APLF: variants seen among roughly 807,000 people sequenced by gnomAD.
APLF encodes aprataxin and PNK-like factor.
Under a neutral mutation model 55.6 loss-of-function variants are expected in APLF, and 61 were observed. The ratio of observed to expected loss-of-function variants is 1.10; its 90% CI spans 0.89 to 1.36. The LOEUF is 1.36. APLF is among the 40% of genes most tolerant of loss of function. The probability of loss-of-function intolerance (pLI) is 0.00; values close to 1 mark genes in which losing one functional copy is unlikely to be tolerated. For synonymous variants in APLF, 207 were observed against 214.8 expected (o/e 0.96, Z 0.32); for missense variants, 611 against 602.5 (o/e 1.01, Z -0.15).
intron 7 of APLF, among the ~76,000 whole-genome samples, chr2:68,544,795 G>GT (rs796832914): frequency 6.6e-6 from 1 of 152,022 alleles, no homozygotes; most frequent in East Asian, 1.9e-4. Context: ...GAAACGTTCT[G>GT]TTTTTTATCT....
chr2:68,523,286 T>C (rs1669943505), intron 5 of APLF, among the ~76,000 whole-genome samples: 1 of 152,036 alleles, frequency 6.6e-6, no homozygotes, highest in South Asian at 2.1e-4. Context: ...TATCAACATT[T>C]AAGCAATTGA....
intron 6 of APLF, among the ~76,000 whole-genome samples, chr2:68,532,909 T>C (rs1337631543): frequency 1.3e-5 from 2 of 152,174 alleles, no homozygotes; most frequent in Non-Finnish European, 2.9e-5. Context: ...TCTGTGCTCA[T>C]GAATGGATAA....
intron 3 of APLF, among the ~76,000 whole-genome samples, chr2:68,504,765 C>G (rs1676826021): frequency 6.6e-6 from 1 of 151,848 alleles, no homozygotes; most frequent in Non-Finnish European, 1.5e-5. Context: ...TTAGAAAATC[C>G]TTAGTAATCT....
At chr2:68,515,397 C>T (rs1669552000) in intron 5 of APLF, among the ~76,000 whole-genome samples, 1 of 151,638 alleles carries the variant, frequency 6.6e-6, no homozygotes, top group Admixed American at 6.6e-5. Context: ...CACTTTCCCT[C>T]AGTAGAATAA....
intron 1 of APLF, among the ~76,000 whole-genome samples, chr2:68,484,357 A>G (rs1676060963): frequency 6.6e-6 from 1 of 152,150 alleles, no homozygotes; most frequent in South Asian, 2.1e-4. Context: ...TGGTATAAGA[A>G]TAGAGAGACC....
intron 3 of APLF, among the ~76,000 whole-genome samples, chr2:68,511,120 A>G (rs1354714604): frequency 6.6e-6 from 1 of 151,798 alleles, no homozygotes; most frequent in African/African-American, 2.4e-5. Flanking sequence ...CTCTGTTAAC[A>G]TACTAATAAC....
intron 5 of APLF, among the ~76,000 whole-genome samples, chr2:68,519,000 T>C (rs1346266037): frequency 4.1e-5 from 5 of 121,040 alleles, no homozygotes; most frequent in African/African-American, 1.7e-4. Flanking sequence ...TCTGATAATA[T>C]ATTATTAATA....
intron 3 of APLF, among the ~76,000 whole-genome samples, chr2:68,507,777 A>T (rs1676909151): frequency 6.6e-6 from 1 of 151,936 alleles, no homozygotes; most frequent in South Asian, 2.1e-4. Context: ...TCATAGCTGA[A>T]TTTCATTGCT....
intron 6 of APLF, among the ~76,000 whole-genome samples, chr2:68,526,687 C>G (rs999001081): frequency 6.6e-6 from 1 of 152,206 alleles, no homozygotes. Context: ...CCATCCTGCT[C>G]TCAACTACAA....
intron 8 of APLF, 144 bp from the exon 9 acceptor site, chr2:68,567,197 A>G: frequency 1.6e-6 from 1 of 641,678 alleles, no homozygotes; most frequent in Admixed American, 3.4e-5. Flanking sequence ...GAAATATTGT[A>G]ATTAAACAAC....
At chr2:68,576,330 T>G (rs1671620509) in intron 9 of APLF, among the ~76,000 whole-genome samples, 1 of 152,138 alleles carries the variant, frequency 6.6e-6, no homozygotes, top group Non-Finnish European at 1.5e-5. Context: ...TTTAAAAATA[T>G]GGGTAACTGA....
At chr2:68,468,430 A>G (rs954876783) in intron 1 of APLF, among the ~76,000 whole-genome samples, 1 of 152,064 alleles carries the variant, frequency 6.6e-6, no homozygotes, top group Non-Finnish European at 1.5e-5. Context: ...TCATTGGTCT[A>G]AGGAGACATT....
intron 2 of APLF, among the ~76,000 whole-genome samples, chr2:68,495,668 C>T (rs1676523013): frequency 6.6e-6 from 1 of 152,254 alleles, no homozygotes; most frequent in East Asian, 1.9e-4. Flanking sequence ...TTATTCTCTG[C>T]ACTGCCCTAG....
chr2:68,539,872 A>G (rs968249263), intron 7 of APLF, among the ~76,000 whole-genome samples: 4 of 152,158 alleles, frequency 2.6e-5, no homozygotes, highest in Non-Finnish European at 4.4e-5. Context: ...CTCCTATTCA[A>G]CATTGCAGTA....
In APLF at chr2:68,513,624, G is replaced by A; in HGVS notation, c.566G>A (p.Trp189Ter). The part of the protein sequence containing the change: ...LAERKRILPT[W>*]MLAEHLSDQN... ...GAGAGGAAAAGAATCCTTCCAACTT[G>A]GATGTTAGCAGAACATTTAAGTGAT... is the stretch of plus-strand genomic sequence containing the variant. Residue 189 changes from tryptophan to a stop codon, truncating the protein, a stop_gained, in exon 5 of 10, where the codon TGG (tryptophan) becomes TAG (stop). Transcript: ENST00000303795. LOFTEE classifies it high-confidence loss of function. 6.2e-7 allele frequency: 1 copy of A among 1,611,460 alleles called. No homozygotes were observed. The highest frequency in any genetic ancestry group is 1.1e-5 in the South Asian group (1 of 90,974).
intron 1 of APLF, among the ~76,000 whole-genome samples, chr2:68,470,443 T>C (rs1002237749): frequency 6.6e-6 from 1 of 152,178 alleles, no homozygotes; most frequent in Non-Finnish European, 1.5e-5. Flanking sequence ...TGTACTATAG[T>C]TTTGTAAGAC....
chr2:68,482,948 C>T (rs1676010011), intron 1 of APLF, among the ~76,000 whole-genome samples: 1 of 151,458 alleles, frequency 6.6e-6, no homozygotes, highest in Admixed American at 6.6e-5. Context: ...GGTGTTTTGG[C>T]CAGCCTGGGG....
chr2:68,560,680 A>G (rs1401229006), intron 8 of APLF, among the ~76,000 whole-genome samples: 1 of 152,126 alleles, frequency 6.6e-6, no homozygotes, highest in Non-Finnish European at 1.5e-5. Flanking sequence ...AACTGTTAAT[A>G]ATTAACAATG....
chr2:68,478,415 G>A (rs1451442604), intron 1 of APLF, among the ~76,000 whole-genome samples: 1 of 152,108 alleles, frequency 6.6e-6, no homozygotes, highest in Non-Finnish European at 1.5e-5. Context: ...GTGGATAGAG[G>A]CTTGCTATAA....
Sources: allele counts gnomAD v4.1 joint callset (sites outside exome capture counted in the v4.1 genomes callset), GRCh38; gene constraint gnomAD v4.1.1; transcripts MANE v1.5; gene names NCBI Gene and HGNC (gene_info 2026-07-23, HGNC 2026-07-21).